The following LRMDA variants were observed in gnomAD, a reference collection of about 807,000 sequenced individuals.
LRMDA encodes the protein leucine-rich melanocyte differentiation-associated protein.
LRMDA carries 18 observed loss-of-function variants against 29.8 expected under a neutral mutation model. The ratio of observed to expected loss-of-function variants is 0.60; its 90% confidence interval spans 0.42 to 0.90. The LOEUF (loss-of-function observed/expected upper bound fraction) is 0.90, where lower values mean the gene tolerates loss of function less well. Among genes scored for constraint, LRMDA ranks in the 40% least tolerant of loss-of-function variants. LRMDA has a pLI of 0.00. For synonymous variants in LRMDA, 125 were observed against 109.4 expected (o/e 1.14, Z -0.89); for missense variants, 273 against 273.9 (o/e 1.00, Z 0.02).
intron 2 of LRMDA, among the ~76,000 whole-genome samples, chr10:75,731,902 G>T (rs1055113551): frequency 1.3e-5 from 2 of 152,132 alleles, no homozygotes; most frequent in South Asian, 2.1e-4. Flanking sequence ...AAAATCCGAA[G>T]TATATGCATT....
chr10:76,306,847 G>A (rs938222653), intron 5 of LRMDA, among the ~76,000 whole-genome samples: 4 of 152,206 alleles, frequency 2.6e-5, no homozygotes, highest in Non-Finnish European at 5.9e-5. Flanking sequence ...TGGACAAAAT[G>A]TGTATGATGT....
At chr10:76,336,005 G>T in intron 6 of LRMDA, among the ~76,000 whole-genome samples, 1 of 152,128 alleles carries the variant, frequency 6.6e-6, no homozygotes, top group East Asian at 1.9e-4. Flanking sequence ...GCCAACAGGA[G>T]GGAGTCTATT....
intron 5 of LRMDA, among the ~76,000 whole-genome samples, chr10:76,222,263 A>T (rs191424957): frequency 6.6e-6 from 1 of 152,360 alleles, no homozygotes; most frequent in East Asian, 1.9e-4. Flanking sequence ...GCCACAATTG[A>T]CAAATGGGAT....
chr10:75,642,063 T>G (rs962619061), intron 2 of LRMDA, among the ~76,000 whole-genome samples: 4 of 152,196 alleles, frequency 2.6e-5, no homozygotes, highest in Non-Finnish European at 4.4e-5. Flanking sequence ...GTCTCTTTCC[T>G]TCAAAGACCA....
At chr10:76,492,516 T>C (rs1016264990) in intron 6 of LRMDA, among the ~76,000 whole-genome samples, 2 of 152,100 alleles carry the variant, frequency 1.3e-5, no homozygotes, top group Non-Finnish European at 2.9e-5. Flanking sequence ...AGACTCTTGT[T>C]CTCTTCCCTT....
chr10:75,999,134 G>T, intron 2 of LRMDA, among the ~76,000 whole-genome samples: 1 of 152,210 alleles, frequency 6.6e-6, no homozygotes, highest in Non-Finnish European at 1.5e-5. Flanking sequence ...CAGCTGGTGG[G>T]ACTGTTGGGA....
intron 2 of LRMDA, among the ~76,000 whole-genome samples, chr10:75,725,364 G>A (rs1299478271): frequency 6.6e-6 from 1 of 152,220 alleles, no homozygotes; most frequent in Non-Finnish European, 1.5e-5. Context: ...AGTGGCCTGA[G>A]GGGCCGAGCC....
chr10:76,391,160 A>G (rs902565730), intron 6 of LRMDA, among the ~76,000 whole-genome samples: 3 of 152,196 alleles, frequency 2.0e-5, no homozygotes, highest in African/African-American at 7.2e-5. Context: ...GAATGTAGTC[A>G]CATTCCCAGA....
intron 6 of LRMDA, among the ~76,000 whole-genome samples, chr10:76,325,224 C>T (rs566749596): frequency 6.6e-6 from 1 of 152,264 alleles, no homozygotes; most frequent in Admixed American, 6.5e-5. Flanking sequence ...GGTGGAAGAA[C>T]AGGCTGTGGT....
At chr10:76,136,904 G>A (rs865855078) in intron 5 of LRMDA, among the ~76,000 whole-genome samples, 7 of 152,104 alleles carry the variant, frequency 4.6e-5, no homozygotes, top group African/African-American at 1.4e-4. Context: ...TATATGTCAG[G>A]CCCTAACCAA....
At chr10:76,530,449 A>C (rs1238879595) in intron 6 of LRMDA, among the ~76,000 whole-genome samples, 1 of 152,176 alleles carries the variant, frequency 6.6e-6, no homozygotes, top group Non-Finnish European at 1.5e-5. Context: ...GCAATCTGTA[A>C]AAGGAAAAAA....
chr10:75,562,670 G>A (rs1314962828), intron 2 of LRMDA, among the ~76,000 whole-genome samples: 1 of 152,082 alleles, frequency 6.6e-6, no homozygotes, highest in Non-Finnish European at 1.5e-5. Context: ...GCTGGTACCG[G>A]TTGTTCTTTT....
intron 2 of LRMDA, among the ~76,000 whole-genome samples, chr10:75,719,396 AC>A (rs1308061626): frequency 6.6e-6 from 1 of 152,230 alleles, no homozygotes; most frequent in Non-Finnish European, 1.5e-5. Flanking sequence ...CTCCATCTTA[AC>A]CATGATGTGA....
chr10:76,280,824 G>T (rs1318512567), intron 5 of LRMDA, among the ~76,000 whole-genome samples: 1 of 151,206 alleles, frequency 6.6e-6, no homozygotes, highest in Non-Finnish European at 1.5e-5. Flanking sequence ...TAAAAAAAAA[G>T]GTACTGGACT....
intron 5 of LRMDA, among the ~76,000 whole-genome samples, chr10:76,148,190 G>T (rs933313121): frequency 8.9e-4 from 135 of 152,204 alleles, no homozygotes; most frequent in Non-Finnish European, 1.1e-3. Context: ...CGTGCTGGGA[G>T]AACCACTACT....
At chr10:75,488,287 T>A (rs1844940263) in intron 2 of LRMDA, among the ~76,000 whole-genome samples, 1 of 152,218 alleles carries the variant, frequency 6.6e-6, no homozygotes, top group South Asian at 2.1e-4. Context: ...GAACTTTTCC[T>A]TTCTTTTCCC....
At chr10:75,833,965 G>A (rs942320706) in intron 2 of LRMDA, among the ~76,000 whole-genome samples, 1 of 152,078 alleles carries the variant, frequency 6.6e-6, no homozygotes, top group African/African-American at 2.4e-5. Flanking sequence ...GAGGACCTGC[G>A]CTCTGGATTT....
At chr10:75,544,011 C>G (rs142135838) in intron 2 of LRMDA, among the ~76,000 whole-genome samples, 1 of 152,124 alleles carries the variant, frequency 6.6e-6, no homozygotes, top group Non-Finnish European at 1.5e-5. Flanking sequence ...CTGTGTCCAT[C>G]GTTTCACACC....
chr10:76,025,128 CA>C (rs1848040672), intron 2 of LRMDA, among the ~76,000 whole-genome samples: 1 of 152,024 alleles, frequency 6.6e-6, no homozygotes, highest in Non-Finnish European at 1.5e-5. Flanking sequence ...TGTAAAATCT[CA>C]AGCCGTGAAT....
Sources: gnomAD v4.1 joint callset for allele counts (sites outside exome capture counted in the v4.1 genomes callset) on GRCh38, gnomAD v4.1.1 for gene constraint, MANE v1.5 for transcripts, NCBI Gene and HGNC (gene_info 2026-07-23, HGNC 2026-07-21) for gene names.